Variants in GARNL3 observed in about 807,000 individuals in gnomAD.
GARNL3 encodes the protein GTPase activating Rap/RanGAP domain like 3, also known as GTPase-activating Rap/Ran-GAP domain-like protein 3.
Under a neutral mutation model 125.0 loss-of-function variants are expected in GARNL3, and 63 were observed. The ratio of observed to expected loss-of-function variants is 0.50; its 90% CI spans 0.41 to 0.62. The LOEUF (loss-of-function observed/expected upper bound fraction) is 0.62. Ranked by LOEUF, GARNL3 falls within the 20% of genes least tolerant of loss-of-function variation. GARNL3 has a pLI of 0.00. For missense variants in GARNL3, 994 were observed against 1,244.0 expected (o/e 0.80, Z 3.02); for synonymous variants, 439 against 457.5 (o/e 0.96, Z 0.52).
intron 2 of GARNL3, among the ~76,000 whole-genome samples, chr9:127,299,887 A>G (rs1261174547): frequency 1.3e-5 from 2 of 151,504 alleles, no homozygotes; most frequent in Non-Finnish European, 2.9e-5. Flanking sequence ...TATTTTTAGT[A>G]GAGATGGGGT....
At chr9:127,370,319 TGGG>T (rs1191007179) in intron 22 of GARNL3, among the ~76,000 whole-genome samples, 3 of 152,154 alleles carry the variant, frequency 2.0e-5, no homozygotes, top group Non-Finnish European at 4.4e-5. Flanking sequence ...CCCACGGAAG[TGGG>T]AAATATCAGG....
upstream of GARNL3, among the ~76,000 whole-genome samples, chr9:127,259,315 A>G (rs1419823513): frequency 6.6e-6 from 1 of 152,204 alleles, no homozygotes; most frequent in Non-Finnish European, 1.5e-5. Context: ...AGCTCTGTTC[A>G]TGCCTGCGAA....
intron 15 of GARNL3, among the ~76,000 whole-genome samples, chr9:127,344,991 A>C (rs1830061367): frequency 6.6e-6 from 1 of 152,230 alleles, no homozygotes; most frequent in Admixed American, 6.5e-5. Flanking sequence ...TAGACAAGGC[A>C]GGTGGAGAGA....
chr9:127,359,110 C>T (rs894287357), intron 21 of GARNL3, among the ~76,000 whole-genome samples: 4 of 152,240 alleles, frequency 2.6e-5, no homozygotes, highest in African/African-American at 9.6e-5. Flanking sequence ...ACCCGCCGCC[C>T]CCCACTGCCT....
intron 2 of GARNL3, among the ~76,000 whole-genome samples, chr9:127,250,273 G>T (rs2063377526): frequency 6.6e-6 from 1 of 152,204 alleles, no homozygotes; most frequent in South Asian, 2.1e-4. Context: ...GTACAGCCTT[G>T]TATACTCTGA....
At chr9:127,231,036 A>ACATATGTG (rs1564835195) in intron 1 of GARNL3, among the ~76,000 whole-genome samples, 11 of 32,412 alleles carry the variant, frequency 3.4e-4, no homozygotes, top group East Asian at 9.0e-4. Context: ...GTATATATAC[A>ACATATGTG]TATATATATA....
rs139090419 is a variant in GARNL3, at chr9:127,384,778, A to T, written c.2270-249A>T. Among the ~76,000 whole-genome samples the T allele has an allele frequency of 6.6e-6, 1 of 152,312 alleles. No individual in the cohort carries two copies. Among genetic ancestry groups the T allele is most frequent in the East Asian group, 1.9e-4 (1 of 5,178 alleles). On this transcript the variant is annotated intron_variant, in intron 23 of 27. Transcript: ENST00000373387. The surrounding 1 kb of genome is among the most constrained non-coding windows in gnomAD (Gnocchi z 4.0). Reference sequence around the variant, plus strand: ...AGGCAGTGGGGTTTCCATGGGGGAAAATGGCAGCAAGCATGGTGACAGTGC... The same window carrying T: ...AGGCAGTGGGGTTTCCATGGGGGAATATGGCAGCAAGCATGGTGACAGTGC...
chr9:127,339,079 C>T (rs1041690904), intron 12 of GARNL3, among the ~76,000 whole-genome samples: 6 of 151,864 alleles, frequency 4.0e-5, no homozygotes, highest in African/African-American at 7.3e-5. Context: ...GGGCGGATCA[C>T]GAGGTCAGGA....
chr9:127,349,084 T>C, intron 17 of GARNL3, 49 bp downstream of exon 17: 1 of 1,289,980 alleles, frequency 7.8e-7, no homozygotes, highest in Middle Eastern at 1.9e-4. Context: ...TAACTTGTAG[T>C]ACTTCTAAGA....
intron 1 of GARNL3, among the ~76,000 whole-genome samples, chr9:127,287,857 T>C (rs1184315966): frequency 2.6e-5 from 4 of 152,236 alleles, no homozygotes; most frequent in Non-Finnish European, 2.9e-5. Context: ...ATAGAGCTGG[T>C]AGAATTTCTT....
intron 22 of GARNL3, among the ~76,000 whole-genome samples, chr9:127,368,008 CTTTTTTT>C (rs10573639): frequency 1.2e-4 from 10 of 81,912 alleles, no homozygotes; most frequent in African/African-American, 2.4e-4. Flanking sequence ...CATAGACTTT[CTTTTTTT>C]TTTTTTTTTT....
rs114206005 is a variant in GARNL3 at position 127,318,139 on chromosome 9, T to A, written c.503+12T>A. 2,197 of 1,529,708 alleles carry A rather than the reference T, an allele frequency of 1.4e-3. 32 individuals are homozygous for A. In the African/African-American group the frequency reaches 0.028, roughly 19 times the overall value. 94.8% of individuals were successfully genotyped at this position (1,529,708 alleles called of 1,614,324 possible). A position where few individuals can be genotyped will look rare whatever the true frequency, so the allele number is the denominator to read the frequency against. On this transcript the variant is annotated intron_variant, in intron 5 of 27. Transcript: ENST00000373387. ...AAGTCCATCTTAAGGTGAGTTCTAATGGGTAGAAACCCCACACATGGATTT... is the reference window on the plus strand; with the variant it reads ...AAGTCCATCTTAAGGTGAGTTCTAAAGGGTAGAAACCCCACACATGGATTT...
At chr9:127,247,845 G>A (rs2063329588) in intron 2 of GARNL3, among the ~76,000 whole-genome samples, 1 of 152,066 alleles carries the variant, frequency 6.6e-6, no homozygotes, top group African/African-American at 2.4e-5. Context: ...TAGTCACCTT[G>A]TTGTGCTAGC....
rs575277949 is a variant in GARNL3 at position 127,313,148 on chromosome 9, GGAA to G, written c.320-284_320-282del. Among the ~76,000 whole-genome samples, 167 of 152,284 alleles carry G rather than the reference GGAA, an allele frequency of 1.1e-3. 6 individuals are homozygous for G. In the South Asian group the frequency reaches 0.032, roughly 29 times the overall value. ...ACTTCTAGACTCCACCAGGTCCAGA[GGAA>G]GAAGAAGACGGTATTTAGGAGTGAG... On this transcript the variant is annotated intron_variant, in intron 3 of 27. Coordinates refer to ENST00000373387, the MANE Select transcript of GARNL3 (RefSeq NM_032293.5).
At chr9:127,340,363 C>T (rs932422423) in intron 13 of GARNL3, among the ~76,000 whole-genome samples, 1 of 152,140 alleles carries the variant, frequency 6.6e-6, no homozygotes, top group Non-Finnish European at 1.5e-5. Flanking sequence ...CTCCTCAGGG[C>T]ACCCCTGGGA....
At chr9:127,278,927 T>G (rs1174196809) in intron 1 of GARNL3, among the ~76,000 whole-genome samples, 2 of 152,140 alleles carry the variant, frequency 1.3e-5, no homozygotes, top group Admixed American at 1.3e-4. Context: ...TGAATCACCC[T>G]CTCTTTTTCT....
intron 19 of GARNL3, 81 bp from the exon 20 acceptor site, chr9:127,355,216 T>G: frequency 8.6e-7 from 1 of 1,157,646 alleles, no homozygotes; most frequent in Non-Finnish European, 1.3e-6. Flanking sequence ...CCAGGGTTCC[T>G]AGGTATTGCC....
chr9:127,238,345 C>T (rs1304694431), intron 1 of GARNL3, among the ~76,000 whole-genome samples: 1 of 152,214 alleles, frequency 6.6e-6, no homozygotes, highest in African/African-American at 2.4e-5. Flanking sequence ...GACAAGTTCT[C>T]TGGACTGCTG....
At chr9:127,336,731 A>T (rs1414520671) in intron 11 of GARNL3, among the ~76,000 whole-genome samples, 1 of 152,248 alleles carries the variant, frequency 6.6e-6, no homozygotes, top group Non-Finnish European at 1.5e-5. Context: ...TGTTCAGCTC[A>T]TATTGCTGGC....
Sources: allele counts gnomAD v4.1 joint callset (sites outside exome capture counted in the v4.1 genomes callset), GRCh38; gene constraint gnomAD v4.1.1; non-coding constraint Gnocchi (gnomAD v3.1); transcripts MANE v1.5; gene names NCBI Gene and HGNC (gene_info 2026-07-23, HGNC 2026-07-21).